GTF3C1: variants seen among roughly 807,000 people sequenced by gnomAD.
GTF3C1 encodes the protein general transcription factor IIIC subunit 1.
Under a neutral mutation model 226.7 loss-of-function variants are expected in GTF3C1, and 57 were observed. The ratio of observed to expected loss-of-function variants is 0.25; its 90% confidence interval spans 0.20 to 0.31. The LOEUF (loss-of-function observed/expected upper bound fraction) is 0.31, where lower values mean the gene tolerates loss of function less well. GTF3C1 is among the 10% of genes least tolerant of loss of function. GTF3C1 has a pLI of 1.00. For synonymous variants in GTF3C1, 1,090 were observed against 1,084.8 expected, an observed-to-expected ratio of 1.00 and a Z score of -0.09; for missense variants, 2,217 against 2,776.1, an observed-to-expected ratio of 0.80 and a Z score of 4.53.
At chr16:27,467,380 C>CT (rs1448226035) in intron 32 of GTF3C1, among the ~76,000 whole-genome samples, 8 of 152,190 alleles carry the variant, frequency 5.3e-5, no homozygotes, top group Non-Finnish European at 1.2e-4. Flanking sequence ...ATTTTAAGCC[C>CT]ACTGTAGAGA....
chr16:27,521,664 A>T (rs1324630592), intron 6 of GTF3C1, among the ~76,000 whole-genome samples: 1 of 152,226 alleles, frequency 6.6e-6, no homozygotes, highest in Non-Finnish European at 1.5e-5. Flanking sequence ...CCCTGTTTTA[A>T]GTTCTGGCTT....
At chr16:27,486,391 C>T (rs2088138702) in intron 23 of GTF3C1, among the ~76,000 whole-genome samples, 1 of 152,112 alleles carries the variant, frequency 6.6e-6, no homozygotes, top group South Asian at 2.1e-4. Context: ...TTCACAGCAA[C>T]AGGTTGGAAG....
chr16:27,461,437 A>G lies in GTF3C1; in HGVS notation c.6243T>C (p.Ala2081=), dbSNP rs2141334376. The G allele has an allele frequency of 3.1e-6, 5 of 1,614,000 alleles. No homozygotes were observed. The South Asian group carries it at 3.3e-5, about 11-fold the overall frequency. ...VPSSLDESPM[A]FYEPTLDCTL... Reference sequence around the variant, plus strand: ...TACAGTCCAAGGTGGGCTCATAGAAAGCCATGGGGCTCTCGTCCAGGCTGG... The same window carrying G: ...TACAGTCCAAGGTGGGCTCATAGAAGGCCATGGGGCTCTCGTCCAGGCTGG... The change falls in exon 37 of 37, where the codon GCT becomes GCC. Residue 2081 remains alanine, a synonymous_variant. Transcript: ENST00000356183. The surrounding 1 kb of genome is among the most constrained non-coding windows in gnomAD (Gnocchi z 5.3).
Position 27,502,981 on chromosome 16 carries a change from G to C in GTF3C1, c.1785C>G (p.Ser595=), listed in dbSNP as rs141329688. 5.3e-5 allele frequency: 86 copies of C among 1,612,938 alleles called. No individual in the cohort carries two copies. In the African/African-American group the frequency reaches 9.2e-4, roughly 17 times the overall value. The change falls in exon 11 of 37, where the codon TCC becomes TCG. Residue 595 remains serine, a synonymous_variant. Coordinates refer to ENST00000356183, the MANE Select transcript of GTF3C1 (RefSeq NM_001520.4). Reference sequence around the variant, plus strand: ...CTGAGCTGTGCCTCCCAGTCTTCAGGGAACTGCTACTCTCCTAGAACAGAG... The same window carrying C: ...CTGAGCTGTGCCTCCCAGTCTTCAGCGAACTGCTACTCTCCTAGAACAGAG... The part of the protein sequence containing the change: ...RMENPKESSS[S]LKTGRHSSGQ...
In GTF3C1 at chr16:27,507,016, C is replaced by T; in HGVS notation, c.1383G>A (p.Met461Ile). 6.2e-7 allele frequency: 1 copy of T among 1,613,978 alleles called. No homozygotes were observed. The highest frequency in any genetic ancestry group is 8.5e-7 in the Non-Finnish European group (1 of 1,180,012). The change falls in exon 9 of 37, where the codon ATG (methionine) becomes ATA (isoleucine). Residue 461 changes from methionine (M) to isoleucine (I), a missense_variant. By Grantham distance (10) the Met-to-Ile change is conservative (BLOSUM62 1). This residue lies in a region of GTF3C1 where 173 missense variants were observed against 207.2 expected (regional missense o/e 0.83). Transcript: ENST00000356183. The surrounding 1 kb of genome is among the most constrained non-coding windows in gnomAD (Gnocchi z 4.9). ...CTTCAGGCAGAAGCGACTCCTCCTG[C>T]ATAGACGCCAGGCTCACGGTGGTCA... ...ELLTTVSLAS[M>I]QEESLLPEGE...
intron 29 of GTF3C1, among the ~76,000 whole-genome samples, chr16:27,473,785 A>G (rs2087911510): frequency 6.6e-6 from 1 of 152,206 alleles, no homozygotes; most frequent in Admixed American, 6.5e-5. Context: ...AGTCCTGGGC[A>G]TGCAGACCAT....
intron 6 of GTF3C1, among the ~76,000 whole-genome samples, chr16:27,528,081 C>T (rs1472541320): frequency 6.6e-6 from 1 of 152,102 alleles, no homozygotes; most frequent in Non-Finnish European, 1.5e-5. Flanking sequence ...CAAGACCAGC[C>T]TGGCCAGCAT....
At position 27,501,303 on chromosome 16, in the gene GTF3C1, A is replaced by C; in HGVS notation, c.1949T>G (p.Val650Gly). The C allele has an allele frequency of 6.2e-7, 1 of 1,614,168 alleles. No homozygotes were observed. Among genetic ancestry groups the C allele is most frequent in the Non-Finnish European group, 8.5e-7 (1 of 1,179,996 alleles). ...MIMDQEKQEG[V>G]STKCCKKSIV... is the part of the protein sequence containing the mutation. ...GGACTTCTTGCAGCACTTGGTGGAC[A>C]CGCCTTCCTGCTTCTCCTGATCCAT... The change falls in exon 12 of 37, where the codon GTG becomes GGG. Residue 650 changes from valine (V) to glycine (G), a missense_variant. Physicochemically the swap from Val to Gly is moderately radical, Grantham distance 109. Coordinates refer to ENST00000356183, the MANE Select transcript of GTF3C1 (RefSeq NM_001520.4).
chr16:27,489,509 T>C, intron 20 of GTF3C1, 93 bp downstream of exon 20: 1 of 1,020,108 alleles, frequency 9.8e-7, no homozygotes, highest in Non-Finnish European at 1.4e-6. Context: ...CCGTCTGGCC[T>C]GACATCCTAA....
intron 29 of GTF3C1, among the ~76,000 whole-genome samples, chr16:27,473,949 A>G (rs761069333): frequency 3.9e-5 from 6 of 152,208 alleles, no homozygotes; most frequent in African/African-American, 9.6e-5. Context: ...CCATTTGAAT[A>G]TAACTAGCGA....
intron 4 of GTF3C1, among the ~76,000 whole-genome samples, chr16:27,536,087 C>G (rs796413148): frequency 3.3e-4 from 51 of 152,344 alleles, no homozygotes; most frequent in African/African-American, 1.2e-3. Flanking sequence ...ATCTTGTTAA[C>G]AGACAATGTA....
chr16:27,462,419 C>T lies in GTF3C1; in HGVS notation c.5992G>A (p.Val1998Ile), dbSNP rs1171885718. 6.2e-7 allele frequency: 1 copy of T among 1,613,162 alleles called. No individual in the cohort carries two copies. Among genetic ancestry groups the T allele is most frequent in the Non-Finnish European group, 8.5e-7 (1 of 1,179,524 alleles). Residue 1998 changes from valine to isoleucine, a missense_variant, in exon 36 of 37, where the codon GTA becomes ATA. Val to Ile is a conservative substitution (Grantham distance 29). Transcript: ENST00000356183. The surrounding 1 kb of genome is among the most constrained non-coding windows in gnomAD (Gnocchi z 4.5). ...ATGGCCTCCATCATACCCTTGCATACAGGAAGGTTCAGGTGGCCATCCACG... is the reference window on the plus strand; with the variant it reads ...ATGGCCTCCATCATACCCTTGCATATAGGAAGGTTCAGGTGGCCATCCACG... ...RVVDGHLNLP[V>I]CKGMMEAMLY...
At chr16:27,543,853 A>G (rs549514266) in intron 2 of GTF3C1, among the ~76,000 whole-genome samples, 5 of 152,334 alleles carry the variant, frequency 3.3e-5, no homozygotes, top group Admixed American at 1.3e-4. Flanking sequence ...AACAGTGTTC[A>G]TGGCCCCATG....
chr16:27,503,535 G>A (rs2088440330), intron 10 of GTF3C1, among the ~76,000 whole-genome samples: 1 of 152,174 alleles, frequency 6.6e-6, no homozygotes, highest in Non-Finnish European at 1.5e-5. Flanking sequence ...AAGTCTCTGG[G>A]CAAAAAGTGA....
In GTF3C1 at chr16:27,537,807, T is replaced by C. The variant is rs1596661183; in HGVS notation, c.729A>G (p.Leu243=). The C allele has an allele frequency of 6.2e-7, 1 of 1,611,642 alleles. No homozygotes were observed. The stretch of plus-strand genomic sequence containing the variant: ...ACCTGTCCACATGAAACCGGTTCAG[T>C]AGGAGGAGGATTGAGTGTTGCTGGG... ...TGAQQHSILL[L]LNRFHVDRRS... is the part of the protein sequence containing the mutation. The change falls in exon 4 of 37, where the codon CTA becomes CTG. Residue 243 remains leucine (L), a synonymous_variant. Coordinates refer to ENST00000356183, the MANE Select transcript of GTF3C1 (RefSeq NM_001520.4).
chr16:27,533,180 C>G, intron 5 of GTF3C1, 111 bp downstream of exon 5: 1 of 587,144 alleles, frequency 1.7e-6, no homozygotes, highest in Non-Finnish European at 3.1e-6. Flanking sequence ...TCATTTGCAT[C>G]AAATCCAGAA....
At chr16:27,511,973 A>C in intron 6 of GTF3C1, 72 bp from the exon 7 acceptor site, 1 of 1,521,604 alleles carries the variant, frequency 6.6e-7, no homozygotes, top group African/African-American at 1.4e-5. Context: ...AGGGGTTCTG[A>C]AATATCACAG....
rs146731658 is a variant in GTF3C1, at chr16:27,461,458, G to C, written c.6222C>G (p.Ser2074Arg). The part of the protein sequence containing the change: ...PVVEEVEVPS[S>R]LDESPMAFYE... ...AGAAAGCCATGGGGCTCTCGTCCAG[G>C]CTGGAGGGCACTTCCACCTCTTCCA... Residue 2074 changes from serine (S) to arginine (R), a missense_variant, in exon 37 of 37, where the codon AGC (serine) becomes AGG (arginine). By Grantham distance (110) the Ser-to-Arg change is moderately radical. Transcript: ENST00000356183. The surrounding 1 kb of genome is among the most constrained non-coding windows in gnomAD (Gnocchi z 5.3). The C allele has an allele frequency of 9.4e-4, 1,525 of 1,613,782 alleles. No individual in the cohort carries two copies. The highest frequency in any genetic ancestry group is 1.2e-3 in the Non-Finnish European group (1,444 of 1,179,720).
At position 27,488,593 on chromosome 16, in the gene GTF3C1, T is replaced by C. The variant is rs1274641089; in HGVS notation, c.3472A>G (p.Thr1158Ala). The C allele has an allele frequency of 2.5e-6, 4 of 1,613,882 alleles. No individual in the cohort carries two copies. The highest frequency in any genetic ancestry group is 3.4e-6 in the Non-Finnish European group (4 of 1,179,992). Reference sequence around the variant, plus strand: ...GGCATTGGGCGCTTGGACAGAAATGTCTGGAGCCTCACTGTGAGTCCATTC... The same window carrying C: ...GGCATTGGGCGCTTGGACAGAAATGCCTGGAGCCTCACTGTGAGTCCATTC... ...AENGLTVRLQTFLSKRPMPLS... is the reference protein window; with the variant it reads ...AENGLTVRLQAFLSKRPMPLS... Residue 1158 changes from threonine (T) to alanine (A), a missense_variant, in exon 22 of 37, where the codon ACA becomes GCA. Physicochemically the swap from Thr to Ala is moderately conservative, Grantham distance 58 (BLOSUM62 0). This residue lies in a region of GTF3C1 where 546 missense variants were observed against 663.0 expected (regional missense o/e 0.82). Transcript: ENST00000356183.
Sources: allele counts gnomAD v4.1 joint callset (sites outside exome capture counted in the v4.1 genomes callset), GRCh38; gene constraint gnomAD v4.1.1; regional missense constraint gnomAD v4.1.1; non-coding constraint Gnocchi (gnomAD v3.1); transcripts MANE v1.5; gene names NCBI Gene and HGNC (gene_info 2026-07-23, HGNC 2026-07-21).